PAXBP1: variants seen among roughly 807,000 people sequenced by gnomAD.
PAXBP1 encodes PAX3- and PAX7-binding protein 1.
A neutral mutation model predicts 119.9 loss-of-function variants in PAXBP1; 44 were observed. That is an observed-to-expected ratio of 0.37 (90% CI 0.29 to 0.47). The LOEUF (loss-of-function observed/expected upper bound fraction) is 0.47. Ranked by LOEUF, PAXBP1 falls within the 20% of genes least tolerant of loss-of-function variation. The pLI, the probability that PAXBP1 is intolerant of heterozygous loss-of-function variation, is 0.99. For missense variants in PAXBP1, 898 were observed against 1,134.1 expected (o/e 0.79, Z 2.99); for synonymous variants, 393 against 406.6 (o/e 0.97, Z 0.40).
Position 32,760,890 on chromosome 21 carries a change from T to TGTGCGTGC in PAXBP1, c.975+161_975+168dup, listed in dbSNP as rs202232037. Among the ~76,000 whole-genome samples, 8 of 147,736 alleles carry TGTGCGTGC rather than the reference T, an allele frequency of 5.4e-5. No individual in the cohort carries two copies. In the South Asian group the frequency reaches 6.6e-4, roughly 12 times the overall value. ...TCTTCTAAAAGCCTACGTGTCTCTG[T>TGTGCGTGC]GTGCGTGCGTGCGTGTGTGTGTGTG... On this transcript the variant is annotated intron_variant, in intron 5 of 17. Coordinates refer to ENST00000331923, the MANE Select transcript of PAXBP1 (RefSeq NM_016631.4).
rs766734551 is a variant in PAXBP1, at chr21:32,771,399, C to T, written c.270G>A (p.Lys90=). The T allele has an allele frequency of 6.4e-7, 1 of 1,560,310 alleles. No individual in the cohort carries two copies. The highest frequency in any genetic ancestry group is 2.6e-5 in the East Asian group (1 of 39,076). The change falls in exon 1 of 18, where the codon AAG becomes AAA. Residue 90 remains lysine, a synonymous_variant. Transcript: ENST00000331923. ...TGTTCTCGCGAGGCCTCTTGCGCGGCTTCAGCCCGTTGCCGGGCTCCGCGC... is the reference window on the plus strand; with the variant it reads ...TGTTCTCGCGAGGCCTCTTGCGCGGTTTCAGCCCGTTGCCGGGCTCCGCGC... ...PGGAEPGNGL[K]PRKRPRENKE...
At chr21:32,735,937 A>C (rs2043686297) in intron 17 of PAXBP1, among the ~76,000 whole-genome samples, 1 of 152,252 alleles carries the variant, frequency 6.6e-6, no homozygotes, top group Non-Finnish European at 1.5e-5. Context: ...CTTTATGTGC[A>C]CTGCACAAAG....
rs534392234 is a variant in PAXBP1 at position 32,767,729 on chromosome 21, T to C, written c.472+2085A>G. ...CATGTAAAAAGTGCCTTTCACCTCCTGCCATGATTCTGAGGCCTCCGCAGC... is the reference window on the plus strand; with the variant it reads ...CATGTAAAAAGTGCCTTTCACCTCCCGCCATGATTCTGAGGCCTCCGCAGC... On this transcript the variant is annotated intron_variant, in intron 2 of 17. Transcript: ENST00000331923. Among the ~76,000 whole-genome samples the C allele has an allele frequency of 7.9e-5, 12 of 152,330 alleles. No individual in the cohort carries two copies. The East Asian group carries it at 1.5e-3, about 20-fold the overall frequency.
At chr21:32,752,894 G>A (rs1000146210) in intron 8 of PAXBP1, among the ~76,000 whole-genome samples, 18 of 151,998 alleles carry the variant, frequency 1.2e-4, no homozygotes, top group African/African-American at 4.1e-4. Flanking sequence ...GATTACAGGC[G>A]AGAGCCACCG....
rs140741019 is a variant in PAXBP1, at chr21:32,761,147, T to C, written c.887A>G (p.Asp296Gly). ...IAEEIGIEGS[D>G]DDALVTGEQD... ...TTCTCCAGTTACTAAAGCATCATCA[T>C]CACTCCCCTCAATTCCTACAGCCAT... The change falls in exon 5 of 18, where the codon GAT (aspartate) becomes GGT (glycine). Residue 296 changes from aspartate (D) to glycine (G), a missense_variant. Around this residue, in one of 2 missense-constraint regions of PAXBP1, gnomAD observed 599 missense variants for 852.7 expected, o/e 0.70. Coordinates refer to ENST00000331923, the MANE Select transcript of PAXBP1 (RefSeq NM_016631.4). The C allele has an allele frequency of 6.2e-7, 1 of 1,613,910 alleles. No individual in the cohort carries two copies. The highest frequency in any genetic ancestry group is 1.3e-5 in the African/African-American group (1 of 75,026).
intron 4 of PAXBP1, 113 bp downstream of exon 4, chr21:32,761,983 T>C: frequency 2.8e-6 from 3 of 1,077,292 alleles, no homozygotes; most frequent in Non-Finnish European, 4.1e-6. Flanking sequence ...GACACTGCAG[T>C]GAGCTATGAT....
intron 3 of PAXBP1, among the ~76,000 whole-genome samples, chr21:32,763,662 G>A (rs1422482607): frequency 1.3e-5 from 2 of 152,068 alleles, no homozygotes; most frequent in African/African-American, 4.8e-5. Flanking sequence ...ATTTTTTGCA[G>A]AAAAGTAAAA....
At chr21:32,762,797 G>A (rs2044171298) in intron 3 of PAXBP1, among the ~76,000 whole-genome samples, 1 of 151,222 alleles carries the variant, frequency 6.6e-6, no homozygotes, top group Non-Finnish European at 1.5e-5. Flanking sequence ...TGTAATCCCA[G>A]CTACTTGGGA....
At chr21:32,767,034 G>A (rs541758946) in intron 2 of PAXBP1, among the ~76,000 whole-genome samples, 1 of 152,138 alleles carries the variant, frequency 6.6e-6, no homozygotes, top group South Asian at 2.1e-4. Context: ...TGGTCTTCAG[G>A]AATTTTTCCT....
At chr21:32,755,123 T>G (rs1266404647) in intron 8 of PAXBP1, 107 bp downstream of exon 8, 1 of 1,160,232 alleles carries the variant, frequency 8.6e-7, no homozygotes, top group East Asian at 3.1e-5. Flanking sequence ...GGAAATTGTT[T>G]CTTTAAAAAA....
Position 32,771,579 on chromosome 21 carries a change from C to T in PAXBP1, c.90G>A (p.Pro30=), listed in dbSNP as rs1468288297. ...ERERDEEQEP[P]PLLPPPGTGE... Reference sequence around the variant, plus strand: ...CCGTGCCCGGCGGCGGCAACAACGGCGGCGGCTCCTGCTCCTCATCGCGTT... The same window carrying T: ...CCGTGCCCGGCGGCGGCAACAACGGTGGCGGCTCCTGCTCCTCATCGCGTT... The change falls in exon 1 of 18, where the codon CCG becomes CCA. Residue 30 remains proline, a synonymous_variant. Coordinates refer to ENST00000331923, the MANE Select transcript of PAXBP1 (RefSeq NM_016631.4). 6.3e-6 allele frequency: 9 copies of T among 1,439,848 alleles called. No homozygotes were observed. The highest frequency in any genetic ancestry group is 8.2e-6 in the Non-Finnish European group (9 of 1,100,550). 89.2% of individuals were successfully genotyped at this position (1,439,848 alleles called of 1,614,324 possible). A position where few individuals can be genotyped will look rare whatever the true frequency, so the allele number is the denominator to read the frequency against.
At chr21:32,757,821 G>T (rs1383619696) in intron 7 of PAXBP1, among the ~76,000 whole-genome samples, 2 of 152,226 alleles carry the variant, frequency 1.3e-5, no homozygotes, top group African/African-American at 4.8e-5. Flanking sequence ...GAAGAGTTTT[G>T]CCAGTAGGAA....
chr21:32,756,714 CTTTT>C (rs1645436329), intron 7 of PAXBP1: 2 of 211,006 alleles, frequency 9.5e-6, no homozygotes, highest in Non-Finnish European at 1.9e-5. Context: ...CTGAGGCATT[CTTTT>C]ATCTTTTAAT....
At chr21:32,768,314 T>C (rs2044276872) in intron 2 of PAXBP1, among the ~76,000 whole-genome samples, 1 of 152,190 alleles carries the variant, frequency 6.6e-6, no homozygotes, top group South Asian at 2.1e-4. Context: ...GTCAACCAAA[T>C]AAACTTCTAT....
At chr21:32,753,077 A>G (rs556128810) in intron 8 of PAXBP1, among the ~76,000 whole-genome samples, 12 of 152,290 alleles carry the variant, frequency 7.9e-5, no homozygotes, top group African/African-American at 2.9e-4. Flanking sequence ...TGAGTTCACT[A>G]CACACCCCAG....
chr21:32,749,559 T>G lies in PAXBP1; in HGVS notation c.1724-861A>C, dbSNP rs142675237. On this transcript the variant is annotated intron_variant, in intron 10 of 17. Transcript: ENST00000331923. Reference sequence around the variant, plus strand: ...AAAGGAAATATTTACAATGGAGAGATAAAGTTCTGAGAACCTTTACTGCAA... The same window carrying G: ...AAAGGAAATATTTACAATGGAGAGAGAAAGTTCTGAGAACCTTTACTGCAA... 2.6e-3 allele frequency among the ~76,000 whole-genome samples: 390 copies of G among 152,266 alleles called. 4 individuals are homozygous for G. The highest frequency in any genetic ancestry group is 9.1e-3 in the African/African-American group (379 of 41,538).
At chr21:32,757,389 T>C (rs1341945705) in intron 7 of PAXBP1, among the ~76,000 whole-genome samples, 1 of 152,192 alleles carries the variant, frequency 6.6e-6, no homozygotes, top group African/African-American at 2.4e-5. Flanking sequence ...ATAATACTCA[T>C]CTTTAAATGA....
chr21:32,738,036 G>T, intron 16 of PAXBP1, 137 bp downstream of exon 16: 1 of 815,268 alleles, frequency 1.2e-6, no homozygotes, highest in Non-Finnish European at 1.8e-6. Context: ...TACCTGGGTA[G>T]GCAAACTGTC....
chr21:32,744,958 C>A, intron 12 of PAXBP1, 45 bp from the exon 13 acceptor site: 1 of 1,577,334 alleles, frequency 6.3e-7, no homozygotes, highest in African/African-American at 1.4e-5. Flanking sequence ...CCAATTGTAC[C>A]TTTAATTTTT....
Sources: allele counts gnomAD v4.1 joint callset (sites outside exome capture counted in the v4.1 genomes callset), GRCh38; gene constraint gnomAD v4.1.1; regional missense constraint gnomAD v4.1.1; transcripts MANE v1.5; gene names NCBI Gene and HGNC (gene_info 2026-07-23, HGNC 2026-07-21).